Variants in PIEZO2 observed in about 807,000 individuals in gnomAD.
The protein encoded by PIEZO2 is piezo-type mechanosensitive ion channel component 2.
Under a neutral mutation model 337.3 loss-of-function variants are expected in PIEZO2, and 172 were observed. The observed-to-expected ratio is 0.51, with a 90% CI of 0.45 to 0.58. The LOEUF (loss-of-function observed/expected upper bound fraction) is 0.58. Among genes scored for constraint, PIEZO2 ranks in the 20% least tolerant of loss-of-function variants. The pLI, the probability that PIEZO2 is intolerant of heterozygous loss-of-function variation, is 0.00. For missense variants in PIEZO2, 3,028 were observed against 3,391.3 expected (o/e 0.89, Z 2.66); for synonymous variants, 1,251 against 1,228.5 (o/e 1.02, Z -0.38).
chr18:10,808,907 C>T (rs930797506), intron 7 of PIEZO2, among the ~76,000 whole-genome samples: 4 of 152,218 alleles, frequency 2.6e-5, no homozygotes, highest in Admixed American at 6.5e-5. Context: ...CCTTGCTCCA[C>T]GCCTGGCACA....
chr18:11,015,637 C>T (rs2036090994), intron 2 of PIEZO2, among the ~76,000 whole-genome samples: 1 of 152,044 alleles, frequency 6.6e-6, no homozygotes, highest in Non-Finnish European at 1.5e-5. Context: ...AAGGGGTGGG[C>T]CCCTTTCCTG....
At chr18:10,790,861 C>G (rs1221207936) in intron 14 of PIEZO2, among the ~76,000 whole-genome samples, 2 of 152,158 alleles carry the variant, frequency 1.3e-5, no homozygotes, top group Non-Finnish European at 2.9e-5. Context: ...CCCACCACTA[C>G]GCCCGGCTAG....
Position 10,746,096 on chromosome 18 carries a change from C to A in PIEZO2, c.4425-1865G>T, listed in dbSNP as rs140760766. On this transcript the variant is annotated intron_variant, in intron 30 of 55. Coordinates refer to ENST00000674853, the MANE Select transcript of PIEZO2 (RefSeq NM_001378183.1). The surrounding 1 kb of genome is among the most constrained non-coding windows in gnomAD (Gnocchi z 4.2). ...TCCTGGTCTAGCTGCTATCTCTACC[C>A]TGGATTATCATAGCAGCTGCTTAGC... 6.6e-5 allele frequency among the ~76,000 whole-genome samples: 10 copies of A among 152,340 alleles called. No homozygotes were observed. The highest frequency in any genetic ancestry group is 2.4e-4 in the African/African-American group (10 of 41,582).
rs1022614384 is a variant in PIEZO2 at position 11,134,539 on chromosome 18, T to G, written c.64+13986A>C. ...GGCCCTCATCCCAAAATACACTCTT[T>G]TTATTGTTCTATCTGGTAGTCCAAA... On this transcript the variant is annotated intron_variant, in intron 1 of 55. Coordinates refer to ENST00000674853, the MANE Select transcript of PIEZO2 (RefSeq NM_001378183.1). Among the ~76,000 whole-genome samples, 4 of 152,314 alleles carry G rather than the reference T, an allele frequency of 2.6e-5. No homozygotes were observed. The East Asian group carries it at 7.7e-4, about 29-fold the overall frequency.
In PIEZO2 at chr18:10,862,954, C is replaced by A. The variant is rs763056487; in HGVS notation, c.493-5743G>T. On this transcript the variant is annotated intron_variant, in intron 5 of 55. Transcript: ENST00000674853. The surrounding 1 kb of genome is among the most constrained non-coding windows in gnomAD (Gnocchi z 4.4). Reference sequence around the variant, plus strand: ...GAACCTCCTTTAGGTTTCAGTCGAGCTTTGGACCTCAGAGCAGAGCTTTTC... The same window carrying A: ...GAACCTCCTTTAGGTTTCAGTCGAGATTTGGACCTCAGAGCAGAGCTTTTC... Among the ~76,000 whole-genome samples the A allele has an allele frequency of 2.0e-5, 3 of 152,144 alleles. No homozygotes were observed. Among genetic ancestry groups the A allele is most frequent in the Non-Finnish European group, 2.9e-5 (2 of 68,022 alleles).
rs944404841 is a variant in PIEZO2 at position 10,828,314 on chromosome 18, G to A, written c.918-21040C>T. Reference sequence around the variant, plus strand: ...ATTTCCCCAAGTCCAACAATTTAAAGTTATTAAAATTGGATGCCCACTAAC... The same window carrying A: ...ATTTCCCCAAGTCCAACAATTTAAAATTATTAAAATTGGATGCCCACTAAC... On this transcript the variant is annotated intron_variant, in intron 7 of 55. Transcript: ENST00000674853. The surrounding 1 kb of genome is among the most constrained non-coding windows in gnomAD (Gnocchi z 4.1). Among the ~76,000 whole-genome samples the A allele has an allele frequency of 6.6e-6, 1 of 152,028 alleles. No individual in the cohort carries two copies. The highest frequency in any genetic ancestry group is 2.4e-5 in the African/African-American group (1 of 41,388).
chr18:11,000,052 T>C (rs902060053), intron 2 of PIEZO2, among the ~76,000 whole-genome samples: 21 of 152,230 alleles, frequency 1.4e-4, no homozygotes, highest in Admixed American at 1.2e-3. Flanking sequence ...TTCTATTCCA[T>C]TGGAAATCTC....
intron 32 of PIEZO2, among the ~76,000 whole-genome samples, chr18:10,742,120 A>G (rs577322501): frequency 6.6e-6 from 1 of 152,322 alleles, no homozygotes; most frequent in Admixed American, 6.5e-5. Flanking sequence ...TCGCCACTGC[A>G]CTCCAGCCTG....
At chr18:10,812,433 T>G (rs1272636381) in intron 7 of PIEZO2, among the ~76,000 whole-genome samples, 4 of 152,166 alleles carry the variant, frequency 2.6e-5, no homozygotes, top group Non-Finnish European at 5.9e-5. Flanking sequence ...GGTACTATAC[T>G]TATTACCTGG....
chr18:10,908,954 G>T (rs1259320886), intron 4 of PIEZO2, among the ~76,000 whole-genome samples: 1 of 152,140 alleles, frequency 6.6e-6, no homozygotes, highest in Non-Finnish European at 1.5e-5. Context: ...GTCTACAGTG[G>T]AGGTCAACAA....
chr18:10,820,347 T>C (rs1179977497), intron 7 of PIEZO2, among the ~76,000 whole-genome samples: 2 of 151,998 alleles, frequency 1.3e-5, no homozygotes, highest in African/African-American at 4.8e-5. Flanking sequence ...GTGGTTTTTT[T>C]TTTTTCTTCC....
rs1038088380 is a variant in PIEZO2, at chr18:10,724,116, A to G, written c.5030-5857T>C. On this transcript the variant is annotated intron_variant, in intron 36 of 55. Transcript: ENST00000674853. This position sits in a 1 kb window ranked among gnomAD's most constrained non-coding sequence, Gnocchi z 5.8. Reference sequence around the variant, plus strand: ...GTGAGTGCTGAGCACAGAGATTAGAATCATGAATAAGGGGCTCAGTCCTTG... The same window carrying G: ...GTGAGTGCTGAGCACAGAGATTAGAGTCATGAATAAGGGGCTCAGTCCTTG... Among the ~76,000 whole-genome samples the G allele has an allele frequency of 7.2e-5, 11 of 152,174 alleles. No individual in the cohort carries two copies. Among genetic ancestry groups the G allele is most frequent in the African/African-American group, 2.4e-4 (10 of 41,442 alleles).
chr18:10,777,239 A>G (rs2038822660), intron 18 of PIEZO2, among the ~76,000 whole-genome samples: 1 of 152,230 alleles, frequency 6.6e-6, no homozygotes, highest in African/African-American at 2.4e-5. Context: ...CTGACCATTA[A>G]GCAAAATGGC....
intron 3 of PIEZO2, among the ~76,000 whole-genome samples, chr18:10,941,767 AC>A (rs1390937166): frequency 3.3e-5 from 5 of 152,244 alleles, no homozygotes; most frequent in Admixed American, 6.5e-5. Flanking sequence ...ATTTAAATAA[AC>A]AAAAATGAAG....
At position 10,782,341 on chromosome 18, in the gene PIEZO2, T is replaced by TTA. The variant is rs1338278914; in HGVS notation, c.2493-1977_2493-1976dup. Among the ~76,000 whole-genome samples the TTA allele has an allele frequency of 1.8e-3, 82 of 44,854 alleles. 6 individuals carry two copies. Among genetic ancestry groups the TTA allele is most frequent in the African/African-American group, 0.011 (74 of 6,688 alleles). 29.4% of individuals were successfully genotyped at this position (44,854 alleles called of 152,430 possible). A position where few individuals can be genotyped will look rare whatever the true frequency, so the allele number is the denominator to read the frequency against. On this transcript the variant is annotated intron_variant, in intron 17 of 55. Coordinates refer to ENST00000674853, the MANE Select transcript of PIEZO2 (RefSeq NM_001378183.1). ...ATATATTATAATTATATATAAATAA[T>TTA]TATAATATATTATAATTATATATAA...
In PIEZO2 at chr18:11,092,599, A is replaced by G. The variant is rs1271674811; in HGVS notation, c.65-26377T>C. ...AAATTCTTTTTTAAATTCCCTTGAA[A>G]AAACCTTAGACACAATTTTACACAA... On this transcript the variant is annotated intron_variant, in intron 1 of 55. Coordinates refer to ENST00000674853, the MANE Select transcript of PIEZO2 (RefSeq NM_001378183.1). This position sits in a 1 kb window ranked among gnomAD's most constrained non-coding sequence, Gnocchi z 4.5. Among the ~76,000 whole-genome samples, 2 of 152,220 alleles carry G rather than the reference A, an allele frequency of 1.3e-5. No homozygotes were observed. Among genetic ancestry groups the G allele is most frequent in the East Asian group, 3.8e-4 (2 of 5,202 alleles).
intron 18 of PIEZO2, among the ~76,000 whole-genome samples, chr18:10,777,978 T>C (rs970265186): frequency 5.3e-5 from 8 of 152,202 alleles, no homozygotes; most frequent in Non-Finnish European, 1.0e-4. Flanking sequence ...TAACCACAAT[T>C]ATCTATATTT....
At position 10,680,238 on chromosome 18, in the gene PIEZO2, T is replaced by C. The variant is rs544519392; in HGVS notation, c.7913A>G (p.Asn2638Ser). ...TGAAAAAACAACAGAGAAGCTACTA[T>C]TGGGGTCCAGGAGTTCGTGTATCAT... ...QKMIHELLDP[N>S]SSFSVVFSWS... The change falls in exon 52 of 56, where the codon AAT (asparagine) becomes AGT (serine). Residue 2638 changes from asparagine to serine, a missense_variant. By Grantham distance (46) the Asn-to-Ser change is conservative (BLOSUM62 1). Around this residue, in one of 5 missense-constraint regions of PIEZO2, gnomAD observed 332 missense variants for 363.8 expected, o/e 0.91. Transcript: ENST00000674853. The C allele has an allele frequency of 5.6e-6, 9 of 1,613,854 alleles. No homozygotes were observed. The highest frequency in any genetic ancestry group is 3.3e-5 in the South Asian group (3 of 91,048).
At chr18:10,800,496 G>A (rs1425728184) in intron 10 of PIEZO2, 21 bp from the exon 11 acceptor site, 33 of 1,517,114 alleles carry the variant, frequency 2.2e-5, no homozygotes, top group Non-Finnish European at 2.7e-5. Context: ...TGCAGAGAAA[G>A]GGACAACTGT....
Sources: allele counts gnomAD v4.1 joint callset (sites outside exome capture counted in the v4.1 genomes callset), GRCh38; gene constraint gnomAD v4.1.1; regional missense constraint gnomAD v4.1.1; non-coding constraint Gnocchi (gnomAD v3.1); transcripts MANE v1.5; gene names NCBI Gene and HGNC (gene_info 2026-07-23, HGNC 2026-07-21).